ZNRF1: variants seen among roughly 807,000 people sequenced by gnomAD.
ZNRF1 encodes E3 ubiquitin-protein ligase ZNRF1.
Under a neutral mutation model 18.4 loss-of-function variants are expected in ZNRF1, and 3 were observed. That is an observed-to-expected ratio of 0.16 (90% CI 0.07 to 0.42). ZNRF1 has a LOEUF of 0.42. ZNRF1 is among the 10% of genes least tolerant of loss of function. ZNRF1 has a pLI of 0.99. For synonymous variants in ZNRF1, 157 were observed against 144.2 expected (o/e 1.09, Z -0.64); for missense variants, 310 against 329.8 (o/e 0.94, Z 0.47).
At chr16:75,105,045 C>T (rs2036298608) in intron 3 of ZNRF1, 156 bp downstream of exon 3, 2 of 607,134 alleles carry the variant, frequency 3.3e-6, no homozygotes, top group Non-Finnish European at 5.9e-6. Context: ...CAGGTGTCCA[C>T]TGTGCCGGCG....
intron 1 of ZNRF1, among the ~76,000 whole-genome samples, chr16:75,092,569 T>A (rs548910987): frequency 6.6e-6 from 1 of 152,278 alleles, no homozygotes; most frequent in African/African-American, 2.4e-5. Flanking sequence ...TTGGAAAAAA[T>A]TAGAAATAAT....
At chr16:75,017,904 G>T (rs2035092182) in intron 1 of ZNRF1, among the ~76,000 whole-genome samples, 1 of 152,156 alleles carries the variant, frequency 6.6e-6, no homozygotes, top group Non-Finnish European at 1.5e-5. Context: ...ACAGTATAGG[G>T]TAGTAGTTAA....
At chr16:75,017,776 G>T (rs949724324) in intron 1 of ZNRF1, among the ~76,000 whole-genome samples, 1 of 152,178 alleles carries the variant, frequency 6.6e-6, no homozygotes, top group African/African-American at 2.4e-5. Flanking sequence ...ACAGTTGTAG[G>T]GTAGATAATT....
intron 1 of ZNRF1, among the ~76,000 whole-genome samples, chr16:75,041,619 C>T (rs765597764): frequency 2.6e-5 from 4 of 152,192 alleles, no homozygotes; most frequent in East Asian, 3.9e-4. Context: ...CGTGAGCCAC[C>T]GTGCCCAGTC....
chr16:75,086,136 G>C (rs2036071036), intron 1 of ZNRF1, among the ~76,000 whole-genome samples: 1 of 152,058 alleles, frequency 6.6e-6, no homozygotes, highest in Non-Finnish European at 1.5e-5. Flanking sequence ...CCTTGGGGAG[G>C]GCGGTCCGCT....
intron 1 of ZNRF1, among the ~76,000 whole-genome samples, chr16:75,087,525 A>C (rs1462437421): frequency 6.6e-6 from 1 of 152,230 alleles, no homozygotes; most frequent in African/African-American, 2.4e-5. Flanking sequence ...TGACAAGAGA[A>C]AGAAAGGAAA....
At chr16:75,086,772 C>T (rs1282676909) in intron 1 of ZNRF1, among the ~76,000 whole-genome samples, 1 of 152,238 alleles carries the variant, frequency 6.6e-6, no homozygotes, top group Non-Finnish European at 1.5e-5. Context: ...GGCACGCGCT[C>T]TCTGAGCTCC....
chr16:75,006,497 A>G (rs562199361), intron 1 of ZNRF1, among the ~76,000 whole-genome samples: 2 of 152,250 alleles, frequency 1.3e-5, no homozygotes, highest in South Asian at 2.1e-4. Flanking sequence ...GTGCAGTGGC[A>G]TGATCTGAGC....
chr16:75,049,183 T>C (rs963676261), intron 1 of ZNRF1, among the ~76,000 whole-genome samples: 1 of 151,286 alleles, frequency 6.6e-6, no homozygotes, highest in Non-Finnish European at 1.5e-5. Context: ...TTTTGTATTT[T>C]TAGTAGAGAC....
chr16:75,068,188 TAAAAAAA>T (rs57755915), intron 1 of ZNRF1, among the ~76,000 whole-genome samples: 10 of 88,952 alleles, frequency 1.1e-4, no homozygotes, highest in East Asian at 3.6e-4. Context: ...GACCTTGTCT[TAAAAAAA>T]AAAAAAAAAA....
intron 1 of ZNRF1, among the ~76,000 whole-genome samples, chr16:75,082,812 C>T (rs1008883496): frequency 3.3e-5 from 5 of 152,180 alleles, no homozygotes; most frequent in African/African-American, 1.2e-4. Flanking sequence ...CCTTGGCCTC[C>T]TAAAGTGCTG....
chr16:75,080,589 T>A (rs1412698384), intron 1 of ZNRF1, among the ~76,000 whole-genome samples: 1 of 152,172 alleles, frequency 6.6e-6, no homozygotes, highest in Non-Finnish European at 1.5e-5. Flanking sequence ...GAAAGTTTCC[T>A]TCATTGTCCT....
chr16:75,013,591 C>T (rs926598253), intron 1 of ZNRF1, among the ~76,000 whole-genome samples: 3 of 152,162 alleles, frequency 2.0e-5, no homozygotes, highest in African/African-American at 7.2e-5. Flanking sequence ...GTGATCCACC[C>T]GCCTTGGCCT....
intron 1 of ZNRF1, among the ~76,000 whole-genome samples, chr16:75,073,162 G>GTC (rs769783120): frequency 7.3e-6 from 1 of 136,290 alleles, no homozygotes; most frequent in African/African-American, 2.8e-5. Flanking sequence ...CTGTCTCTCT[G>GTC]TCTATATATA....
chr16:75,062,151 A>G (rs760584290), intron 1 of ZNRF1, among the ~76,000 whole-genome samples: 1 of 152,264 alleles, frequency 6.6e-6, no homozygotes, highest in Non-Finnish European at 1.5e-5. Context: ...GAGACAACTT[A>G]CAGAACTTGC....
chr16:75,090,498 G>C (rs4888342), intron 1 of ZNRF1, among the ~76,000 whole-genome samples: 1 of 151,988 alleles, frequency 6.6e-6, no homozygotes, highest in Non-Finnish European at 1.5e-5. Context: ...GATTACAGGC[G>C]TGAGCCACCA....
At position 75,085,146 on chromosome 16, in the gene ZNRF1, A is replaced by G. The variant is rs545114287; in HGVS notation, c.425-8426A>G. On this transcript the variant is annotated intron_variant, in intron 1 of 4. Coordinates refer to ENST00000335325, the MANE Select transcript of ZNRF1 (RefSeq NM_032268.5). ...AACCCAAACCCTCCTCATGATATAG[A>G]ACATTTTTGTCATCCCAGAAGGTTC... Among the ~76,000 whole-genome samples, 3 of 152,306 alleles carry G rather than the reference A, an allele frequency of 2.0e-5. No homozygotes were observed. In the South Asian group the frequency reaches 6.2e-4, roughly 32 times the overall value.
chr16:75,011,111 G>C (rs182163845), intron 1 of ZNRF1, among the ~76,000 whole-genome samples: 249 of 152,258 alleles, frequency 1.6e-3, no homozygotes, highest in African/African-American at 5.8e-3. Flanking sequence ...GCTTTTTGGA[G>C]ATCTTTTCAT....
chr16:75,101,458 G>GC (rs972829233), intron 2 of ZNRF1, among the ~76,000 whole-genome samples: 1 of 152,054 alleles, frequency 6.6e-6, no homozygotes, highest in African/African-American at 2.4e-5. Flanking sequence ...GTAGGCTGAG[G>GC]CAGGAGAAAC....
Sources: gnomAD v4.1 joint callset for allele counts (sites outside exome capture counted in the v4.1 genomes callset) on GRCh38, gnomAD v4.1.1 for gene constraint, MANE v1.5 for transcripts, NCBI Gene and HGNC (gene_info 2026-07-23, HGNC 2026-07-21) for gene names.